The following DOCK3 variants were observed in gnomAD, a reference collection of about 807,000 sequenced individuals.
DOCK3 encodes the protein dedicator of cytokinesis protein 3.
A neutral mutation model predicts 265.6 loss-of-function variants in DOCK3; 60 were observed. The ratio of observed to expected loss-of-function variants is 0.23; its 90% CI spans 0.18 to 0.28. DOCK3 has a LOEUF of 0.28. Among genes scored for constraint, DOCK3 ranks in the 10% least tolerant of loss-of-function variants. The pLI is 1.00. For missense variants in DOCK3, 1,981 were observed against 2,594.3 expected (o/e 0.76, Z 5.14); for synonymous variants, 881 against 938.0 (o/e 0.94, Z 1.11).
chr3:51,207,695 A>G (rs1411149299), intron 12 of DOCK3, among the ~76,000 whole-genome samples: 2 of 152,052 alleles, frequency 1.3e-5, no homozygotes, highest in Non-Finnish European at 2.9e-5. Flanking sequence ...GCTTCATACT[A>G]TTGGATGGCA....
intron 3 of DOCK3, among the ~76,000 whole-genome samples, chr3:50,846,133 A>C (rs2046067952): frequency 6.6e-6 from 1 of 152,218 alleles, no homozygotes. Context: ...GAGACTGTAA[A>C]GACTGCCAAC....
In DOCK3 at chr3:50,778,735, T is replaced by C. The variant is rs2041750382; in HGVS notation, c.98T>C (p.Val33Ala). 6.3e-7 allele frequency: 1 copy of C among 1,584,024 alleles called. No homozygotes were observed. Among genetic ancestry groups the C allele is most frequent in the Non-Finnish European group, 8.6e-7 (1 of 1,163,816 alleles). ...TTGGTCTTAGAAATAGGAGAAACAG[T>C]CCAGATTCTTGAAAAATGTGAAGGT... ...QGLVLEIGET[V>A]QILEKCEGWY... Residue 33 changes from valine to alanine, a missense_variant, in exon 2 of 53, where the codon GTC becomes GCC. This residue lies in a region of DOCK3 where 456 missense variants were observed against 539.0 expected (regional missense o/e 0.85). Coordinates refer to ENST00000266037, the MANE Select transcript of DOCK3 (RefSeq NM_004947.5).
chr3:51,180,225 A>AAAAAC (rs1553780900), intron 12 of DOCK3, among the ~76,000 whole-genome samples: 2 of 145,494 alleles, frequency 1.4e-5, no homozygotes, highest in Admixed American at 7.6e-5. Flanking sequence ...AAAAAAAAAA[A>AAAAAC]ACACACACAC....
intron 7 of DOCK3, among the ~76,000 whole-genome samples, chr3:51,087,407 C>G (rs1424673233): frequency 6.6e-6 from 1 of 152,128 alleles, no homozygotes; most frequent in African/African-American, 2.4e-5. Context: ...TCAATAGTCA[C>G]AGAAAAAGCA....
chr3:51,150,386 A>G (rs2085521564), intron 10 of DOCK3, among the ~76,000 whole-genome samples: 1 of 152,040 alleles, frequency 6.6e-6, no homozygotes, highest in African/African-American at 2.4e-5. Flanking sequence ...TAGCTTTTAA[A>G]TGTGTTTGCT....
chr3:50,918,946 A>G (rs2050281134), intron 4 of DOCK3, among the ~76,000 whole-genome samples: 1 of 152,192 alleles, frequency 6.6e-6, no homozygotes, highest in Non-Finnish European at 1.5e-5. Context: ...TATAAAGTGT[A>G]AGGAAGGGAT....
chr3:50,681,364 T>A (rs1319556081), intron 1 of DOCK3, among the ~76,000 whole-genome samples: 6 of 152,238 alleles, frequency 3.9e-5, no homozygotes, highest in South Asian at 2.1e-4. Context: ...TTGAATTTTT[T>A]AAAATTTTTG....
chr3:50,716,355 A>G (rs957608827), intron 1 of DOCK3, among the ~76,000 whole-genome samples: 1 of 151,912 alleles, frequency 6.6e-6, no homozygotes, highest in Non-Finnish European at 1.5e-5. Flanking sequence ...GTGAAACCCC[A>G]TCTCTACTAA....
intron 2 of DOCK3, among the ~76,000 whole-genome samples, chr3:50,793,376 G>A (rs1358072686): frequency 2.2e-5 from 1 of 45,796 alleles, no homozygotes; most frequent in Non-Finnish European, 4.4e-5. Context: ...TTTTTTTTTT[G>A]AGGCAGAGTT....
chr3:51,121,289 A>G (rs2106740966), intron 9 of DOCK3, among the ~76,000 whole-genome samples: 1 of 152,046 alleles, frequency 6.6e-6, no homozygotes, highest in Middle Eastern at 3.4e-3. Flanking sequence ...GCGATGCCCC[A>G]CTCTGCTTCT....
intron 1 of DOCK3, among the ~76,000 whole-genome samples, chr3:50,760,968 A>G (rs961701923): frequency 6.6e-6 from 1 of 151,996 alleles, no homozygotes; most frequent in Non-Finnish European, 1.5e-5. Flanking sequence ...TTTTTAGTAG[A>G]AACGGGGTTT....
intron 2 of DOCK3, among the ~76,000 whole-genome samples, chr3:50,793,019 C>G (rs2042572414): frequency 6.6e-6 from 1 of 152,132 alleles, no homozygotes; most frequent in Non-Finnish European, 1.5e-5. Context: ...TAGAATTTGG[C>G]TGTGAATTTG....
intron 1 of DOCK3, among the ~76,000 whole-genome samples, chr3:50,706,875 G>A (rs900016828): frequency 5.3e-5 from 8 of 151,826 alleles, no homozygotes; most frequent in Non-Finnish European, 1.0e-4. Flanking sequence ...ATGTTGAATT[G>A]TAATTCCCAG....
At chr3:51,199,765 C>T (rs2107979679) in intron 12 of DOCK3, among the ~76,000 whole-genome samples, 1 of 152,342 alleles carries the variant, frequency 6.6e-6, no homozygotes, top group East Asian at 1.9e-4. Flanking sequence ...CCTGAGCAGC[C>T]TAACTGGGAG....
At chr3:51,276,250 G>T (rs2080813435) in intron 25 of DOCK3, 1 of 446,116 alleles carries the variant, frequency 2.2e-6, no homozygotes, top group Non-Finnish European at 3.0e-6. Flanking sequence ...TGGTGATAAT[G>T]GCCCTATTAT....
intron 33 of DOCK3, 32 bp downstream of exon 33, chr3:51,330,255 TG>T: frequency 1.3e-6 from 2 of 1,562,102 alleles, no homozygotes; most frequent in South Asian, 2.4e-5. Flanking sequence ...CACACCACAC[TG>T]GGGGATGGGA....
chr3:51,200,549 G>A (rs2088665564), intron 12 of DOCK3, among the ~76,000 whole-genome samples: 1 of 151,242 alleles, frequency 6.6e-6, no homozygotes, highest in African/African-American at 2.4e-5. Flanking sequence ...CGTCTGATTG[G>A]TGTACCTGAA....
intron 32 of DOCK3, among the ~76,000 whole-genome samples, chr3:51,318,378 C>CA (rs1168579227): frequency 1.3e-5 from 2 of 151,942 alleles, no homozygotes; most frequent in African/African-American, 4.8e-5. Context: ...GACTCTGTCT[C>CA]AAAAAAATTA....
chr3:51,071,154 G>T (rs1383437541), intron 6 of DOCK3, among the ~76,000 whole-genome samples: 1 of 152,174 alleles, frequency 6.6e-6, no homozygotes, highest in South Asian at 2.1e-4. Context: ...GCATTTAAAA[G>T]AAATAGAGAT....
Sources: gnomAD v4.1 joint callset for allele counts (sites outside exome capture counted in the v4.1 genomes callset) on GRCh38, gnomAD v4.1.1 for gene constraint, gnomAD v4.1.1 regional missense constraint, MANE v1.5 for transcripts, NCBI Gene and HGNC (gene_info 2026-07-23, HGNC 2026-07-21) for gene names.